TEKT5: variants seen among roughly 807,000 people sequenced by gnomAD.
The protein encoded by TEKT5 is tektin 5.
Under a neutral mutation model 48.7 loss-of-function variants are expected in TEKT5, and 52 were observed. That is an observed-to-expected ratio of 1.07 (90% confidence interval 0.86 to 1.35). The LOEUF is 1.35. Among genes scored for constraint, TEKT5 ranks in the 40% most tolerant of loss-of-function variants. The pLI, the probability that TEKT5 is intolerant of heterozygous loss-of-function variation, is 0.00. For missense variants in TEKT5, 831 were observed against 641.6 expected (o/e 1.30, Z -3.19); for synonymous variants, 318 against 267.6 (o/e 1.19, Z -1.84).
chr16:10,685,354 C>T (rs989303266), intron 3 of TEKT5, among the ~76,000 whole-genome samples: 1 of 152,148 alleles, frequency 6.6e-6, no homozygotes, highest in Non-Finnish European at 1.5e-5. Flanking sequence ...GACTGGAGTG[C>T]AGTGGCACGA....
At chr16:10,628,320 A>G (rs1426927025) in intron 6 of TEKT5, among the ~76,000 whole-genome samples, 1 of 152,248 alleles carries the variant, frequency 6.6e-6, no homozygotes, top group Non-Finnish European at 1.5e-5. Context: ...AATGTACACA[A>G]AGGAAGAAAT....
chr16:10,681,377 G>C (rs2541495), intron 4 of TEKT5, among the ~76,000 whole-genome samples: 2,721 of 38,734 alleles, frequency 0.07, 94 homozygotes, highest in African/African-American at 0.27. Flanking sequence ...TCCACTCTCT[G>C]TCTCTCTCTC....
chr16:10,687,396 A>G (rs1898881709), intron 3 of TEKT5, among the ~76,000 whole-genome samples: 1 of 152,238 alleles, frequency 6.6e-6, no homozygotes, highest in Non-Finnish European at 1.5e-5. Flanking sequence ...AAATGCAATA[A>G]AACAAAGACA....
At chr16:10,638,346 G>A (rs2142261797) in intron 5 of TEKT5, among the ~76,000 whole-genome samples, 1 of 152,246 alleles carries the variant, frequency 6.6e-6, no homozygotes, top group African/African-American at 2.4e-5. Context: ...TCACCCAGTG[G>A]CCCTTGACCT....
rs188009194 is a variant in TEKT5, at chr16:10,645,733, C to T, written c.1087-9815G>A. On this transcript the variant is annotated intron_variant, in intron 5 of 6. Coordinates refer to ENST00000283025, the MANE Select transcript of TEKT5 (RefSeq NM_144674.2). ...AGGAAAATCGCTTGAACCTGGGAGG[C>T]GGAGGTTGCAGGGAGCCAAGATCAC... is the stretch of plus-strand genomic sequence containing the variant. 4.1e-3 allele frequency among the ~76,000 whole-genome samples: 630 copies of T among 152,112 alleles called. 4 individuals carry two copies. The highest frequency in any genetic ancestry group is 5.0e-3 in the Non-Finnish European group (341 of 67,988).
At chr16:10,662,635 C>T (rs1898392787) in intron 5 of TEKT5, among the ~76,000 whole-genome samples, 1 of 152,240 alleles carries the variant, frequency 6.6e-6, no homozygotes, top group African/African-American at 2.4e-5. Flanking sequence ...TGTACTTTCT[C>T]CAATACATCT....
chr16:10,654,034 ATG>A (rs562967082), intron 5 of TEKT5, among the ~76,000 whole-genome samples: 3 of 144,238 alleles, frequency 2.1e-5, no homozygotes, highest in Non-Finnish European at 4.4e-5. Flanking sequence ...GTGTGTGCAC[ATG>A]TGTGTGTGTG....
chr16:10,656,726 G>A (rs895955829), intron 5 of TEKT5, among the ~76,000 whole-genome samples: 4 of 152,136 alleles, frequency 2.6e-5, no homozygotes, highest in Non-Finnish European at 4.4e-5. Flanking sequence ...GTATTCAACT[G>A]GGTACATGCA....
chr16:10,680,289 GA>G (rs1898725107), intron 4 of TEKT5, among the ~76,000 whole-genome samples: 1 of 152,248 alleles, frequency 6.6e-6, no homozygotes, highest in South Asian at 2.1e-4. Context: ...TCCAGAAAGT[GA>G]CCCCAGGCTT....
At chr16:10,672,007 G>A (rs1408552076) in intron 5 of TEKT5, among the ~76,000 whole-genome samples, 1 of 152,172 alleles carries the variant, frequency 6.6e-6, no homozygotes, top group Admixed American at 6.5e-5. Context: ...GATATGGGGG[G>A]AGATGGAAAA....
chr16:10,674,574 T>G (rs1487557837), intron 5 of TEKT5, among the ~76,000 whole-genome samples: 2 of 128,110 alleles, frequency 1.6e-5, no homozygotes, highest in Admixed American at 9.8e-5. Flanking sequence ...GCCGTGATTG[T>G]GCCACTGTGC....
At chr16:10,683,946 CCT>C (rs1898807170) in intron 3 of TEKT5, among the ~76,000 whole-genome samples, 1 of 152,190 alleles carries the variant, frequency 6.6e-6, no homozygotes, top group South Asian at 2.1e-4. Context: ...AATTTACATC[CCT>C]GTCTTTAAAG....
At chr16:10,681,897 T>G (rs1898759746) in intron 4 of TEKT5, 96 bp downstream of exon 4, 2 of 1,485,656 alleles carry the variant, frequency 1.3e-6, no homozygotes, top group Non-Finnish European at 1.8e-6. Context: ...CCCACTTAAC[T>G]GGTGCACGAT....
rs1898918712 is a variant in TEKT5 at position 10,689,157 on chromosome 16, A to G, written c.719+96T>C. On this transcript the variant is annotated intron_variant, in intron 3 of 6. Transcript: ENST00000283025. ...ATACCACTGACCAAAAGAACCACCCAGAGACAAGTGGGCCCATCTGGCTTG... is the reference window on the plus strand; with the variant it reads ...ATACCACTGACCAAAAGAACCACCCGGAGACAAGTGGGCCCATCTGGCTTG... The G allele has an allele frequency of 4.3e-6, 4 of 940,698 alleles. No homozygotes were observed. The South Asian group carries it at 6.3e-5, about 15-fold the overall frequency. The allele number at this position is 940,698 out of a possible 1,614,324, so 58.3% of individuals were successfully genotyped here. A position where few individuals can be genotyped will look rare whatever the true frequency, so the allele number is the denominator to read the frequency against.
At chr16:10,680,804 A>C (rs543319019) in intron 4 of TEKT5, among the ~76,000 whole-genome samples, 1 of 140,282 alleles carries the variant, frequency 7.1e-6, no homozygotes, top group African/African-American at 2.6e-5. Context: ...GTGGGAACTG[A>C]ACAATGAGAA....
intron 5 of TEKT5, among the ~76,000 whole-genome samples, chr16:10,659,748 G>A (rs1898329946): frequency 6.6e-6 from 1 of 152,138 alleles, no homozygotes; most frequent in Non-Finnish European, 1.5e-5. Context: ...AACCATGAAA[G>A]GCCTGTACGC....
intron 5 of TEKT5, 128 bp from the exon 6 acceptor site, chr16:10,636,046 T>C (rs190037026): frequency 2.1e-6 from 3 of 1,403,864 alleles, no homozygotes; most frequent in Non-Finnish European, 2.9e-6. Flanking sequence ...TTCCCCGGCC[T>C]TGAGCACCTT....
intron 5 of TEKT5, among the ~76,000 whole-genome samples, chr16:10,646,842 T>G (rs948356033): frequency 2.0e-5 from 3 of 152,196 alleles, no homozygotes; most frequent in Non-Finnish European, 4.4e-5. Flanking sequence ...ACACGCTGGT[T>G]AAACATTATC....
At chr16:10,676,746 C>T (rs2142302305) in intron 4 of TEKT5, among the ~76,000 whole-genome samples, 1 of 152,364 alleles carries the variant, frequency 6.6e-6, no homozygotes, top group East Asian at 1.9e-4. Context: ...ACTTCTACGA[C>T]ATGCCAAGCA....
Sources: allele counts gnomAD v4.1 joint callset (sites outside exome capture counted in the v4.1 genomes callset), GRCh38; gene constraint gnomAD v4.1.1; transcripts MANE v1.5; gene names NCBI Gene and HGNC (gene_info 2026-07-23, HGNC 2026-07-21).